The following DAPK1 variants were observed in gnomAD, a reference collection of about 807,000 sequenced individuals.
DAPK1 encodes the protein death associated protein kinase 1.
In DAPK1, 56 loss-of-function variants were observed where a neutral mutation model predicts 144.9. The observed-to-expected ratio is 0.39, with a 90% CI of 0.31 to 0.48. DAPK1 has a LOEUF of 0.48. DAPK1 is among the 20% of genes least tolerant of loss of function. DAPK1 has a pLI of 0.95. For synonymous variants in DAPK1, 690 were observed against 749.0 expected, an observed-to-expected ratio of 0.92 and a Z score of 1.29; for missense variants, 1,454 against 1,875.4, an observed-to-expected ratio of 0.78 and a Z score of 4.15.
At position 87,587,095 on chromosome 9, in the gene DAPK1, A is replaced by G. The variant is rs568502403; in HGVS notation, c.63-17859A>G. Among the ~76,000 whole-genome samples, 50 of 152,284 alleles carry G rather than the reference A, an allele frequency of 3.3e-4. 1 individual carries two copies. The South Asian group carries it at 1.0e-2, about 30-fold the overall frequency. On this transcript the variant is annotated intron_variant, in intron 2 of 25. Transcript: ENST00000408954. ...TAAAGGTGAGATTCGGAAGCAGGAG[A>G]TGTGTTCTAATCGCTGTACAGGTTG... is the stretch of plus-strand genomic sequence containing the variant.
chr9:87,502,989 G>A (rs980578955), intron 2 of DAPK1, among the ~76,000 whole-genome samples: 1 of 152,130 alleles, frequency 6.6e-6, no homozygotes, highest in Non-Finnish European at 1.5e-5. Flanking sequence ...GACCAGAATG[G>A]GGATGTAAGA....
chr9:87,672,597 T>G (rs1439200851), intron 19 of DAPK1, among the ~76,000 whole-genome samples: 1 of 152,180 alleles, frequency 6.6e-6, no homozygotes, highest in Non-Finnish European at 1.5e-5. Flanking sequence ...GATGCTGTGT[T>G]CAAGGAGTCC....
intron 2 of DAPK1, among the ~76,000 whole-genome samples, chr9:87,602,593 C>A (rs536441222): frequency 6.6e-6 from 1 of 152,156 alleles, no homozygotes; most frequent in South Asian, 2.1e-4. Context: ...CATTGAAATT[C>A]TCTGTGACTC....
chr9:87,627,165 G>A (rs918414028), intron 3 of DAPK1, among the ~76,000 whole-genome samples: 8 of 152,310 alleles, frequency 5.3e-5, no homozygotes, highest in Non-Finnish European at 1.0e-4. Context: ...CGCCCACATG[G>A]AGAGGGGTGT....
chr9:87,660,989 T>C (rs1830825144), intron 18 of DAPK1, among the ~76,000 whole-genome samples: 2 of 152,240 alleles, frequency 1.3e-5, no homozygotes, highest in South Asian at 2.1e-4. Flanking sequence ...GGACTACAGG[T>C]GCAAGCCACC....
In DAPK1 at chr9:87,541,569, A is replaced by T. The variant is rs973873659; in HGVS notation, c.62+42430A>T. Among the ~76,000 whole-genome samples the T allele has an allele frequency of 3.4e-5, 5 of 147,706 alleles. No individual in the cohort carries two copies. In the East Asian group the frequency reaches 8.0e-4, roughly 24 times the overall value. On this transcript the variant is annotated intron_variant, in intron 2 of 25. Coordinates refer to ENST00000408954, the MANE Select transcript of DAPK1 (RefSeq NM_004938.4). ...GTCTGGAAAAAAAAAAAAAAAAAAGATGGAGAAAGACTTTATAGGCTGTTG... is the reference window on the plus strand; with the variant it reads ...GTCTGGAAAAAAAAAAAAAAAAAAGTTGGAGAAAGACTTTATAGGCTGTTG...
intron 19 of DAPK1, 98 bp downstream of exon 19, chr9:87,668,772 T>C: frequency 1.2e-6 from 1 of 812,570 alleles, no homozygotes; most frequent in Non-Finnish European, 2.2e-6. Flanking sequence ...AATGAGGCTC[T>C]AGACAGCCAG....
At chr9:87,651,408 G>T in intron 16 of DAPK1, 119 bp from the exon 17 acceptor site, 1 of 952,502 alleles carries the variant, frequency 1.0e-6, no homozygotes, top group Non-Finnish European at 1.7e-6. Context: ...CTCCACTAGG[G>T]CTTTTAGTAG....
intron 19 of DAPK1, among the ~76,000 whole-genome samples, chr9:87,675,191 C>T (rs1824318604): frequency 6.6e-6 from 1 of 152,160 alleles, no homozygotes; most frequent in Non-Finnish European, 1.5e-5. Context: ...CAGAGACCAT[C>T]TGGCCCTCTA....
At chr9:87,653,319 A>G (rs1394144084) in intron 17 of DAPK1, among the ~76,000 whole-genome samples, 1 of 152,196 alleles carries the variant, frequency 6.6e-6, no homozygotes. Context: ...CCAAGTTTCT[A>G]TTTGCATGTG....
At chr9:87,547,639 A>G (rs1407048098) in intron 2 of DAPK1, among the ~76,000 whole-genome samples, 1 of 146,176 alleles carries the variant, frequency 6.8e-6, no homozygotes, top group African/African-American at 2.5e-5. Context: ...ATTTTAAGGA[A>G]TTGGCTTCTG....
intron 2 of DAPK1, among the ~76,000 whole-genome samples, chr9:87,568,492 T>G (rs9314765): frequency 0.29 from 44,457 of 152,100 alleles, 6,865 homozygotes; most frequent in East Asian, 0.49. Context: ...AATTAATGCA[T>G]TCTGTGGGGG....
At chr9:87,631,343 G>A (rs1829685811) in intron 3 of DAPK1, among the ~76,000 whole-genome samples, 1 of 152,136 alleles carries the variant, frequency 6.6e-6, no homozygotes, top group Non-Finnish European at 1.5e-5. Flanking sequence ...ACCTTCTCCT[G>A]CATTATTAAA....
At chr9:87,563,216 G>A (rs1056701953) in intron 2 of DAPK1, among the ~76,000 whole-genome samples, 3 of 152,180 alleles carry the variant, frequency 2.0e-5, no homozygotes, top group African/African-American at 7.2e-5. Context: ...ATAAGTACAT[G>A]CATTTGTCAG....
chr9:87,600,799 CGTT>C (rs138807509), intron 2 of DAPK1, among the ~76,000 whole-genome samples: 2,766 of 152,292 alleles, frequency 0.018, 90 homozygotes, highest in African/African-American at 0.062. Context: ...CCATCCGTAT[CGTT>C]GTTAATTACT....
intron 3 of DAPK1, among the ~76,000 whole-genome samples, chr9:87,607,999 C>T (rs569342832): frequency 1.3e-5 from 2 of 152,120 alleles, no homozygotes; most frequent in African/African-American, 2.4e-5. Context: ...CAAGAGCCAT[C>T]CTCACATGAC....
chr9:87,692,914 C>G (rs1289527931), intron 21 of DAPK1, among the ~76,000 whole-genome samples: 2 of 121,672 alleles, frequency 1.6e-5, no homozygotes, highest in African/African-American at 6.2e-5. Context: ...GAGAAATCTG[C>G]TGTGAGTCTG....
chr9:87,508,815 C>T (rs1469784439), intron 2 of DAPK1, among the ~76,000 whole-genome samples: 1 of 152,084 alleles, frequency 6.6e-6, no homozygotes, highest in African/African-American at 2.4e-5. Flanking sequence ...TGCCTAGCAC[C>T]TCATATGTCT....
intron 11 of DAPK1, among the ~76,000 whole-genome samples, chr9:87,643,680 C>G (rs910181595): frequency 1.3e-5 from 2 of 151,944 alleles, no homozygotes; most frequent in African/African-American, 4.8e-5. Context: ...GTGCTGTCCC[C>G]CCTCATAGCC....
Sources: gnomAD v4.1 joint callset for allele counts (sites outside exome capture counted in the v4.1 genomes callset) on GRCh38, gnomAD v4.1.1 for gene constraint, MANE v1.5 for transcripts, NCBI Gene and HGNC (gene_info 2026-07-23, HGNC 2026-07-21) for gene names.